MAP4K3: variants seen among roughly 807,000 people sequenced by gnomAD.
The protein encoded by MAP4K3 is mitogen-activated protein kinase kinase kinase kinase 3, also known as MAPK/ERK kinase kinase kinase 3.
In MAP4K3, 94 loss-of-function variants were observed where a neutral mutation model predicts 143.5. The ratio of observed to expected loss-of-function variants is 0.65; its 90% confidence interval spans 0.55 to 0.78. The LOEUF is 0.78. Among genes scored for constraint, MAP4K3 ranks in the 30% least tolerant of loss-of-function variants. The pLI, the probability that MAP4K3 is intolerant of heterozygous loss-of-function variation, is 0.00. For missense variants in MAP4K3, 1,077 were observed against 1,068.1 expected (o/e 1.01, Z -0.12); for synonymous variants, 416 against 347.2 (o/e 1.20, Z -2.20).
chr2:39,299,512 C>T (rs1682422504), intron 16 of MAP4K3, among the ~76,000 whole-genome samples: 1 of 152,084 alleles, frequency 6.6e-6, no homozygotes, highest in South Asian at 2.1e-4. Flanking sequence ...TTTTCTCTAA[C>T]ATACAAGATC....
At chr2:39,350,793 T>C (rs995435831) in intron 3 of MAP4K3, among the ~76,000 whole-genome samples, 1 of 152,142 alleles carries the variant, frequency 6.6e-6, no homozygotes, top group African/African-American at 2.4e-5. Context: ...GCTCAGTCCC[T>C]TAGGTCCTAA....
intron 2 of MAP4K3, among the ~76,000 whole-genome samples, chr2:39,376,546 A>G (rs1432255704): frequency 6.6e-6 from 1 of 152,204 alleles, no homozygotes; most frequent in Non-Finnish European, 1.5e-5. Context: ...AAATTTTAAG[A>G]TGTACAGAAT....
intron 1 of MAP4K3, among the ~76,000 whole-genome samples, chr2:39,433,476 G>A (rs1443681016): frequency 6.6e-6 from 1 of 152,136 alleles, no homozygotes; most frequent in Non-Finnish European, 1.5e-5. Context: ...GACAAAAGAT[G>A]GCACAATGCA....
At chr2:39,332,666 T>C (rs946448508) in intron 7 of MAP4K3, among the ~76,000 whole-genome samples, 2 of 152,020 alleles carry the variant, frequency 1.3e-5, no homozygotes, top group South Asian at 4.1e-4. Context: ...GCACAAAATA[T>C]TAAACTGCTG....
chr2:39,290,232 A>G (rs1213202026), intron 19 of MAP4K3, 60 bp downstream of exon 19: 1 of 1,249,146 alleles, frequency 8.0e-7, no homozygotes, highest in East Asian at 2.5e-5. Flanking sequence ...CTCTCAACAA[A>G]GTATTAAATT....
At chr2:39,302,027 A>C (rs1682533527) in intron 15 of MAP4K3, among the ~76,000 whole-genome samples, 1 of 152,098 alleles carries the variant, frequency 6.6e-6, no homozygotes, top group Non-Finnish European at 1.5e-5. Flanking sequence ...TGTCTCAAAA[A>C]ATAATAATAA....
chr2:39,426,492 CTT>C, intron 1 of MAP4K3, among the ~76,000 whole-genome samples: 1 of 151,618 alleles, frequency 6.6e-6, no homozygotes, highest in South Asian at 2.1e-4. Flanking sequence ...AAGTAAATGT[CTT>C]TCATTTTGAG....
chr2:39,337,752 G>GTTTTTTTTTTTTTTTTTT (rs570853243), intron 4 of MAP4K3, among the ~76,000 whole-genome samples, 171 bp from the exon 5 acceptor site: 3 of 70,512 alleles, frequency 4.3e-5, no homozygotes, highest in African/African-American at 1.8e-4. Context: ...CCTGGCTCCA[G>GTTTTTTTTTTTTTTTTTT]TTTTTTTTTT....
intron 2 of MAP4K3, among the ~76,000 whole-genome samples, chr2:39,361,060 C>T (rs1665755706): frequency 6.6e-6 from 1 of 152,122 alleles, no homozygotes; most frequent in Non-Finnish European, 1.5e-5. Flanking sequence ...TAAGGATATG[C>T]ACTTTGAAAT....
intron 21 of MAP4K3, 144 bp from the exon 22 acceptor site, chr2:39,282,698 C>T (rs888037896): frequency 1.1e-5 from 7 of 613,926 alleles, no homozygotes; most frequent in Non-Finnish European, 1.9e-5. Context: ...TGAAGTTCCC[C>T]ATAATTCTTT....
At position 39,305,520 on chromosome 2, in the gene MAP4K3, A is replaced by C. The variant is rs146143874; in HGVS notation, c.1119+2423T>G. Among the ~76,000 whole-genome samples the C allele has an allele frequency of 4.3e-3, 651 of 152,344 alleles. 4 individuals are homozygous for C. The highest frequency in any genetic ancestry group is 0.015 in the African/African-American group (621 of 41,584). ...GTGCTTAGAATAATGCCTGGTATAT[A>C]AAAACCTCTAGATAAATGTTAGCTT... On this transcript the variant is annotated intron_variant, in intron 15 of 33. Transcript: ENST00000263881.
chr2:39,329,659 G>A lies in MAP4K3; in HGVS notation c.530+2258C>T, dbSNP rs112127059. 1.7e-3 allele frequency among the ~76,000 whole-genome samples: 252 copies of A among 152,248 alleles called. 3 individuals are homozygous for A. Among genetic ancestry groups the A allele is most frequent in the African/African-American group, 5.9e-3 (244 of 41,554 alleles). On this transcript the variant is annotated intron_variant, in intron 8 of 33. Transcript: ENST00000263881. ...CAACTATTGCCCCCCAATTCCCACTGGATAAGGACCAAGACGAAGAAGAGA... is the reference window on the plus strand; with the variant it reads ...CAACTATTGCCCCCCAATTCCCACTAGATAAGGACCAAGACGAAGAAGAGA...
At chr2:39,316,701 G>T (rs1683122501) in intron 12 of MAP4K3, among the ~76,000 whole-genome samples, 1 of 152,018 alleles carries the variant, frequency 6.6e-6, no homozygotes, top group Non-Finnish European at 1.5e-5. Flanking sequence ...TAAATAATTT[G>T]TTTTGTTTCT....
At chr2:39,260,533 G>T in intron 29 of MAP4K3, 73 bp downstream of exon 29, 1 of 1,259,082 alleles carries the variant, frequency 7.9e-7, no homozygotes, top group South Asian at 1.3e-5. Context: ...TCCTTAGTAA[G>T]AGATACAGTA....
intron 2 of MAP4K3, among the ~76,000 whole-genome samples, chr2:39,361,359 A>G (rs764302127): frequency 3.0e-4 from 45 of 152,094 alleles, no homozygotes; most frequent in Non-Finnish European, 4.9e-4. Context: ...GTTTACTTAT[A>G]TGTGTGTTTC....
chr2:39,358,799 A>G (rs980586378), intron 2 of MAP4K3, among the ~76,000 whole-genome samples: 3 of 152,230 alleles, frequency 2.0e-5, no homozygotes, highest in African/African-American at 7.2e-5. Context: ...TAGGCCTCCT[A>G]TCACGAGTAG....
chr2:39,348,529 T>C (rs1413284151), intron 3 of MAP4K3, among the ~76,000 whole-genome samples: 1 of 152,192 alleles, frequency 6.6e-6, no homozygotes, highest in Non-Finnish European at 1.5e-5. Flanking sequence ...CTACATTTGC[T>C]TTTGGTCATT....
intron 1 of MAP4K3, among the ~76,000 whole-genome samples, chr2:39,398,974 G>A (rs1284468498): frequency 2.7e-5 from 4 of 150,590 alleles, no homozygotes; most frequent in African/African-American, 9.8e-5. Flanking sequence ...AACCCAGGAG[G>A]TGGAAGCTGC....
chr2:39,312,796 A>G (rs1229779580), intron 13 of MAP4K3, among the ~76,000 whole-genome samples: 2 of 152,220 alleles, frequency 1.3e-5, no homozygotes, highest in East Asian at 1.9e-4. Context: ...ATAAAGGCCT[A>G]TTGAACAGCT....
Sources: gnomAD v4.1 joint callset for allele counts (sites outside exome capture counted in the v4.1 genomes callset) on GRCh38, gnomAD v4.1.1 for gene constraint, MANE v1.5 for transcripts, NCBI Gene and HGNC (gene_info 2026-07-23, HGNC 2026-07-21) for gene names.